Variants in THEM5 observed in about 807,000 individuals in gnomAD.
The protein encoded by THEM5 is acyl-coenzyme A thioesterase THEM5.
A neutral mutation model predicts 24.2 loss-of-function variants in THEM5; 28 were observed. The observed-to-expected ratio is 1.16, with a 90% CI of 0.86 to 1.59. The LOEUF (loss-of-function observed/expected upper bound fraction) is 1.59, where lower values mean the gene tolerates loss of function less well. Among genes scored for constraint, THEM5 ranks in the 40% most tolerant of loss-of-function variants. THEM5 has a pLI of 0.00. For missense variants in THEM5, 260 were observed against 296.8 expected (o/e 0.88, Z 0.91); for synonymous variants, 87 against 114.5 (o/e 0.76, Z 1.53).
At position 151,853,475 on chromosome 1, in the gene THEM5, C is replaced by T. The variant is rs749355211; in HGVS notation, c.91G>A (p.Ala31Thr). The T allele has an allele frequency of 3.7e-5, 59 of 1,613,872 alleles. No individual in the cohort carries two copies. Among genetic ancestry groups the T allele is most frequent in the Non-Finnish European group, 4.7e-5 (56 of 1,179,952 alleles). Residue 31 changes from alanine to threonine, a missense_variant, in exon 1 of 6, where the codon GCC (alanine) becomes ACC (threonine). Coordinates refer to ENST00000368817, the MANE Select transcript of THEM5 (RefSeq NM_182578.4). ...TCTGTGGAGGATCCAAATGCTGAGG[C>T]AGGGTTGAGTCTGGGCAGGATACGG... ...APRILPRLNP[A>T]SAFGSSTDSM... is the part of the protein sequence containing the mutation.
chr1:151,849,222 TA>T (rs202129122), intron 3 of THEM5, among the ~76,000 whole-genome samples: 4,025 of 128,570 alleles, frequency 0.031, 64 homozygotes, highest in East Asian at 0.062. Flanking sequence ...GTCTCAAAAT[TA>T]AAAAAAAAAA....
At chr1:151,848,853 G>T (rs529608677) in intron 3 of THEM5, among the ~76,000 whole-genome samples, 1 of 152,230 alleles carries the variant, frequency 6.6e-6, no homozygotes, top group Non-Finnish European at 1.5e-5. Context: ...AAAGCAGAGC[G>T]CCTGCTTCAG....
intron 3 of THEM5, among the ~76,000 whole-genome samples, chr1:151,850,030 C>A (rs543038837): frequency 1.3e-5 from 2 of 152,356 alleles, no homozygotes; most frequent in Admixed American, 1.3e-4. Flanking sequence ...CTAGTATCTG[C>A]ACAGCCTAGT....
Position 151,848,174 on chromosome 1 carries a change from ATACT to A in THEM5, c.575+4_575+7del. 1.2e-6 allele frequency: 2 copies of A among 1,613,738 alleles called. No individual in the cohort carries two copies. Among genetic ancestry groups the A allele is most frequent in the Non-Finnish European group, 1.7e-6 (2 of 1,179,618 alleles). ...ACTTTGGCCAATGCCCCAGGGGCCC[ATACT>A]TACTTTTTGAACCTGATGTTGAGAC... On this transcript the variant is annotated splice_donor_5th_base_variant and intron_variant, in intron 4 of 5. Transcript: ENST00000368817.
chr1:151,847,519 G>C (rs1170008886), intron 5 of THEM5, 105 bp from the exon 6 acceptor site: 1 of 1,474,302 alleles, frequency 6.8e-7, no homozygotes, highest in Non-Finnish European at 9.5e-7. Flanking sequence ...CCTGGGTCCT[G>C]TCCTTTCGTT....
chr1:151,849,329 C>T (rs1029188629), intron 3 of THEM5, among the ~76,000 whole-genome samples: 2 of 151,990 alleles, frequency 1.3e-5, no homozygotes, highest in African/African-American at 4.8e-5. Context: ...TTTTAGAATT[C>T]AAATAACACC....
rs187385143 is a variant in THEM5 at position 151,847,152 on chromosome 1, C to T, written c.*219G>A. Reference sequence around the variant, plus strand: ...GAGAAAAGGGTCCTTTCCCTCGCCTCACCAATTGCTGCTTGAGGACCCCTC... The same window carrying T: ...GAGAAAAGGGTCCTTTCCCTCGCCTTACCAATTGCTGCTTGAGGACCCCTC... On this transcript the variant is annotated 3_prime_UTR_variant, in exon 6 of 6. Coordinates refer to ENST00000368817, the MANE Select transcript of THEM5 (RefSeq NM_182578.4). 1.1e-3 allele frequency: 852 copies of T among 745,830 alleles called. 8 individuals carry two copies. The highest frequency in any genetic ancestry group is 6.0e-3 in the South Asian group (406 of 68,018). 46.2% of individuals were successfully genotyped at this position (745,830 alleles called of 1,614,324 possible). A position where few individuals can be genotyped will look rare whatever the true frequency, so the allele number is the denominator to read the frequency against.
intron 3 of THEM5, 50 bp downstream of exon 3, chr1:151,851,003 C>T (rs1405801280): frequency 3.1e-6 from 5 of 1,609,312 alleles, no homozygotes; most frequent in African/African-American, 1.3e-5. Flanking sequence ...CTGAACCTGC[C>T]CTGCTGAGCC....
chr1:151,848,385 A>G, intron 3 of THEM5, 93 bp from the exon 4 acceptor site: 1 of 993,876 alleles, frequency 1.0e-6, no homozygotes, highest in Non-Finnish European at 1.6e-6. Context: ...TGGTGATCCT[A>G]CCTTTCCCTT....
chr1:151,853,449 G>A lies in THEM5; in HGVS notation c.117C>T (p.Asp39=). 5 of 1,613,762 alleles carry A rather than the reference G, an allele frequency of 3.1e-6. No homozygotes were observed. The highest frequency in any genetic ancestry group is 4.2e-6 in the Non-Finnish European group (5 of 1,179,820). ...NPASAFGSST[D]SMFSRFLPEK... ...GGCTGAGCTGGGAACTCACCATGGA[G>A]TCTGTGGAGGATCCAAATGCTGAGG... Residue 39 remains aspartate, a synonymous_variant, in exon 1 of 6, where the codon GAC becomes GAT. Coordinates refer to ENST00000368817, the MANE Select transcript of THEM5 (RefSeq NM_182578.4).
At chr1:151,851,480 T>C (rs539108820) in intron 2 of THEM5, among the ~76,000 whole-genome samples, 1 of 152,146 alleles carries the variant, frequency 6.6e-6, no homozygotes, top group Non-Finnish European at 1.5e-5. Context: ...ATTGAAAATG[T>C]AATTACTCAT....
At chr1:151,848,337 C>G (rs1291868343) in intron 3 of THEM5, 45 bp from the exon 4 acceptor site, 5 of 1,495,010 alleles carry the variant, frequency 3.3e-6, no homozygotes, top group Non-Finnish European at 4.7e-6. Context: ...GCTGGGGCTG[C>G]TGGGCAGACC....
rs1379074978 is a variant in THEM5, at chr1:151,848,229, C to A, written c.528G>T (p.Leu176=). The A allele has an allele frequency of 2.5e-6, 4 of 1,614,200 alleles. No individual in the cohort carries two copies. Among genetic ancestry groups the A allele is most frequent in the Non-Finnish European group, 3.4e-6 (4 of 1,180,038 alleles). Residue 176 remains leucine, a synonymous_variant, in exon 4 of 6, where the codon CTG becomes CTT. Transcript: ENST00000368817. ...MDETFSKTAF[L]AGEGLFTLSL... ...TTAGTGTGAACAGCCCCTCTCCAGC[C>A]AGGAAGGCAGTTTTAGAAAAGGTCT...
At chr1:151,851,339 G>T in intron 2 of THEM5, 148 bp from the exon 3 acceptor site, 1 of 986,046 alleles carries the variant, frequency 1.0e-6, no homozygotes, top group Non-Finnish European at 1.5e-6. Flanking sequence ...TTCCCTCTGG[G>T]AGCAGAGGCA....
At chr1:151,851,596 A>G (rs956147702) in intron 2 of THEM5, among the ~76,000 whole-genome samples, 2 of 152,100 alleles carry the variant, frequency 1.3e-5, no homozygotes, top group Non-Finnish European at 2.9e-5. Flanking sequence ...CCACTACTAC[A>G]TCCTTTTTTG....
In THEM5 at chr1:151,847,421, G is replaced by T. The variant is rs759867218; in HGVS notation, c.701-7C>A. The T allele has an allele frequency of 1.2e-6, 2 of 1,614,148 alleles. No homozygotes were observed. Among genetic ancestry groups the T allele is most frequent in the Non-Finnish European group, 1.7e-6 (2 of 1,180,010 alleles). ...TGCAGCTGAAGGAAAACACCTGCAA[G>T]AGAAGGGTGAGTTGAGCTGCAAGAG... On this transcript the variant is annotated splice_polypyrimidine_tract_variant and splice_region_variant and intron_variant, in intron 5 of 5. Transcript: ENST00000368817.
intron 1 of THEM5, 99 bp downstream of exon 1, chr1:151,853,344 C>G: frequency 6.9e-7 from 1 of 1,448,410 alleles, no homozygotes; most frequent in Admixed American, 2.3e-5. Context: ...ACACTGCCCA[C>G]CTGCCCTGGC....
At chr1:151,847,460 G>T in intron 5 of THEM5, 46 bp from the exon 6 acceptor site, 1 of 1,611,658 alleles carries the variant, frequency 6.2e-7, no homozygotes. Context: ...CACTGAGATG[G>T]CTGGAGCTTG....
rs752161833 is a variant in THEM5 at position 151,848,285 on chromosome 1, G to A, written c.472C>T (p.His158Tyr). ...SYLEGPPGFA[H>Y]GGSLAAMMDE... ...ATCATGGCTGCCAGGGACCCGCCGT[G>A]AGCAAACCTGGGGGTGGGGTAAGGT... Residue 158 changes from histidine to tyrosine, a missense_variant, in exon 4 of 6, where the codon CAC (histidine) becomes TAC (tyrosine). Coordinates refer to ENST00000368817, the MANE Select transcript of THEM5 (RefSeq NM_182578.4). 31 of 1,613,754 alleles carry A rather than the reference G, an allele frequency of 1.9e-5. No individual in the cohort carries two copies. The highest frequency in any genetic ancestry group is 2.5e-5 in the Non-Finnish European group (30 of 1,179,882).
Sources: allele counts gnomAD v4.1 joint callset (sites outside exome capture counted in the v4.1 genomes callset), GRCh38; gene constraint gnomAD v4.1.1; transcripts MANE v1.5; gene names NCBI Gene and HGNC (gene_info 2026-07-23, HGNC 2026-07-21).